ZNF407: variants seen among roughly 807,000 people sequenced by gnomAD.
ZNF407 encodes zinc finger protein 407.
Under a neutral mutation model 131.2 loss-of-function variants are expected in ZNF407, and 17 were observed. That is an observed-to-expected ratio of 0.13 (90% CI 0.09 to 0.19). ZNF407 has a LOEUF of 0.19. Among genes scored for constraint, ZNF407 ranks in the 10% least tolerant of loss-of-function variants. The probability of loss-of-function intolerance (pLI) is 1.00; values close to 1 mark genes in which losing one functional copy is unlikely to be tolerated. For synonymous variants in ZNF407, 1,156 were observed against 1,062.0 expected (o/e 1.09, Z -1.72); for missense variants, 2,681 against 2,830.6 (o/e 0.95, Z 1.20).
At chr18:74,951,230 A>T (rs1366092615) in intron 8 of ZNF407, among the ~76,000 whole-genome samples, 1 of 152,164 alleles carries the variant, frequency 6.6e-6, no homozygotes, top group Non-Finnish European at 1.5e-5. Context: ...TAAGCAGAAC[A>T]TGTTCACTGC....
At chr18:74,693,779 T>G (rs1016330877) in intron 3 of ZNF407, among the ~76,000 whole-genome samples, 1 of 152,142 alleles carries the variant, frequency 6.6e-6, no homozygotes, top group Non-Finnish European at 1.5e-5. Context: ...ATTAAAAAAA[T>G]TTCAGGTCAT....
intron 8 of ZNF407, among the ~76,000 whole-genome samples, chr18:75,038,320 C>G (rs796115241): frequency 2.0e-5 from 3 of 152,324 alleles, no homozygotes; most frequent in African/African-American, 7.2e-5. Flanking sequence ...AGAAACTTCC[C>G]CATAGTGTCT....
At chr18:74,846,096 T>TGC (rs1232312539) in intron 4 of ZNF407, among the ~76,000 whole-genome samples, 2 of 152,208 alleles carry the variant, frequency 1.3e-5, no homozygotes, top group Non-Finnish European at 2.9e-5. Context: ...TCACTAGAAA[T>TGC]TATTTTTGAG....
chr18:74,857,574 A>T (rs953387067), intron 4 of ZNF407, among the ~76,000 whole-genome samples: 2 of 152,318 alleles, frequency 1.3e-5, no homozygotes, highest in Admixed American at 6.5e-5. Context: ...TCTAAAAAAA[A>T]AATCAGATCA....
intron 8 of ZNF407, among the ~76,000 whole-genome samples, chr18:74,991,035 A>C (rs1807755580): frequency 6.6e-6 from 1 of 152,204 alleles, no homozygotes; most frequent in Admixed American, 6.5e-5. Context: ...GCATACACCC[A>C]GGGGCATTAG....
chr18:74,988,718 A>G (rs934736548), intron 8 of ZNF407, among the ~76,000 whole-genome samples: 2 of 152,160 alleles, frequency 1.3e-5, no homozygotes, highest in Non-Finnish European at 2.9e-5. Flanking sequence ...AGTAGATGAG[A>G]TGGTGTTCAA....
rs531072128 is a variant in ZNF407, at chr18:75,012,301, T to C, written c.5429-50849T>C. On this transcript the variant is annotated intron_variant, in intron 8 of 8. Coordinates refer to ENST00000299687, the MANE Select transcript of ZNF407 (RefSeq NM_017757.3). ...ACATAGTGTATGTACACATAGTGTATGTACACATAGTGTATGTACACATAG... is the reference window on the plus strand; with the variant it reads ...ACATAGTGTATGTACACATAGTGTACGTACACATAGTGTATGTACACATAG... Among the ~76,000 whole-genome samples the C allele has an allele frequency of 1.7e-3, 195 of 112,434 alleles. 3 individuals are homozygous for C. Among genetic ancestry groups the C allele is most frequent in the African/African-American group, 2.0e-3 (61 of 30,822 alleles). The allele number at this position is 112,434 out of a possible 152,430, so 73.8% of individuals were successfully genotyped here. A position where few individuals can be genotyped will look rare whatever the true frequency, so the allele number is the denominator to read the frequency against.
intron 8 of ZNF407, among the ~76,000 whole-genome samples, chr18:75,015,475 A>G (rs1293446048): frequency 6.7e-6 from 1 of 149,868 alleles, no homozygotes; most frequent in African/African-American, 2.4e-5. Flanking sequence ...CAAGTTGTCT[A>G]AAGAATTATA....
At chr18:74,960,206 G>A (rs1222991829) in intron 8 of ZNF407, among the ~76,000 whole-genome samples, 1 of 152,168 alleles carries the variant, frequency 6.6e-6, no homozygotes, top group African/African-American at 2.4e-5. Flanking sequence ...GGAGGGATAG[G>A]AGAAGGTCCT....
At chr18:74,650,544 C>T (rs1985179964) in intron 3 of ZNF407, among the ~76,000 whole-genome samples, 1 of 152,138 alleles carries the variant, frequency 6.6e-6, no homozygotes, top group South Asian at 2.1e-4. Flanking sequence ...TCCTGTTAGT[C>T]ACTCTTTCTA....
chr18:74,855,094 TAACTC>T (rs2145151807), intron 4 of ZNF407, among the ~76,000 whole-genome samples: 1 of 152,340 alleles, frequency 6.6e-6, no homozygotes, highest in African/African-American at 2.4e-5. Flanking sequence ...AATGACTTAA[TAACTC>T]AACCTATAAA....
At chr18:74,616,790 GCACCA>G in intron 1 of ZNF407, among the ~76,000 whole-genome samples, 1 of 16,026 alleles carries the variant, frequency 6.2e-5, no homozygotes, top group South Asian at 2.1e-3. Context: ...CCATATCCAC[GCACCA>G]TACACATCCA....
chr18:74,846,270 T>C lies in ZNF407; in HGVS notation c.4878-30927T>C, dbSNP rs545489711. On this transcript the variant is annotated intron_variant, in intron 4 of 8. Transcript: ENST00000299687. ...AACAAACAGCTTAAAGTAGCATCAGTTCATATACAGTGTTGGAAAAGCATT... is the reference window on the plus strand; with the variant it reads ...AACAAACAGCTTAAAGTAGCATCAGCTCATATACAGTGTTGGAAAAGCATT... 5.9e-5 allele frequency among the ~76,000 whole-genome samples: 9 copies of C among 152,262 alleles called. No individual in the cohort carries two copies. In the South Asian group the frequency reaches 1.9e-3, roughly 32 times the overall value.
At chr18:74,833,231 C>T (rs9946945) in intron 4 of ZNF407, among the ~76,000 whole-genome samples, 80 of 152,304 alleles carry the variant, frequency 5.3e-4, no homozygotes, top group African/African-American at 1.8e-3. Context: ...GCAGGGTCAG[C>T]AGGGATGAGC....
rs1568130712 is a variant in ZNF407 at position 74,631,441 on chromosome 18, ATGT to A, written c.427_429del (p.Val143del). 1 of 1,613,982 alleles carries A rather than the reference ATGT, an allele frequency of 6.2e-7. No individual in the cohort carries two copies. The highest frequency in any genetic ancestry group is 2.2e-5 in the East Asian group (1 of 44,884). ...CCTTCTTGCAATTTTAGCACTATTG[ATGT>A]TGTTTCTCTGAAAACAGACACTGAA... On this transcript the variant is annotated inframe_deletion, in exon 2 of 9. Coordinates refer to ENST00000299687, the MANE Select transcript of ZNF407 (RefSeq NM_017757.3).
intron 3 of ZNF407, among the ~76,000 whole-genome samples, chr18:74,774,971 G>A (rs759179001): frequency 6.6e-6 from 1 of 152,174 alleles, no homozygotes; most frequent in Non-Finnish European, 1.5e-5. Context: ...TTAGTGGTGA[G>A]CCGGTTTGGA....
chr18:75,002,649 A>T (rs1350634135), intron 8 of ZNF407, among the ~76,000 whole-genome samples: 1 of 152,064 alleles, frequency 6.6e-6, no homozygotes, highest in East Asian at 1.9e-4. Flanking sequence ...AAAAAAATAC[A>T]AAAAAATTAA....
At chr18:74,781,347 A>G (rs1969597367) in intron 3 of ZNF407, 81 bp from the exon 4 acceptor site, 1 of 969,834 alleles carries the variant, frequency 1.0e-6, no homozygotes, top group African/African-American at 1.7e-5. Flanking sequence ...GCATATATAT[A>G]TTATTCTTAA....
intron 3 of ZNF407, among the ~76,000 whole-genome samples, chr18:74,759,948 G>GTCTCTCTCTC (rs10662564): frequency 4.2e-5 from 6 of 142,974 alleles, no homozygotes; most frequent in Middle Eastern, 3.5e-3. Flanking sequence ...TACTTTACAT[G>GTCTCTCTCTC]TCTCTCTCTC....
Sources: allele counts gnomAD v4.1 joint callset (sites outside exome capture counted in the v4.1 genomes callset), GRCh38; gene constraint gnomAD v4.1.1; transcripts MANE v1.5; gene names NCBI Gene and HGNC (gene_info 2026-07-23, HGNC 2026-07-21).